The following PDE11A variants were observed in gnomAD, a reference collection of about 807,000 sequenced individuals.
PDE11A encodes the protein dual 3',5'-cyclic-AMP and -GMP phosphodiesterase 11A.
A neutral mutation model predicts 100.5 loss-of-function variants in PDE11A; 100 were observed. The ratio of observed to expected loss-of-function variants is 1.00; its 90% CI spans 0.85 to 1.18. The LOEUF (loss-of-function observed/expected upper bound fraction) is 1.18. PDE11A is among the 50% of genes most tolerant of loss of function. PDE11A has a pLI of 0.00. For missense variants in PDE11A, 1,141 were observed against 1,152.6 expected (o/e 0.99, Z 0.15); for synonymous variants, 381 against 420.8 (o/e 0.91, Z 1.16).
chr2:177,751,135 A>AG (rs975434004), intron 10 of PDE11A, among the ~76,000 whole-genome samples: 1 of 151,592 alleles, frequency 6.6e-6, no homozygotes, highest in African/African-American at 2.4e-5. Context: ...TAAGAAAAAA[A>AG]AAAAAAAGCT....
chr2:177,951,976 G>T (rs1266116279), intron 2 of PDE11A, among the ~76,000 whole-genome samples: 2 of 152,146 alleles, frequency 1.3e-5, no homozygotes, highest in African/African-American at 2.4e-5. Context: ...TTACATAGGT[G>T]TACATGTGCC....
chr2:177,869,588 T>A (rs554338663), intron 5 of PDE11A, among the ~76,000 whole-genome samples: 26 of 152,344 alleles, frequency 1.7e-4, no homozygotes, highest in African/African-American at 6.3e-4. Flanking sequence ...CAATCCAGAA[T>A]AATCTCCCTA....
intron 12 of PDE11A, among the ~76,000 whole-genome samples, chr2:177,714,955 C>T (rs1053335320): frequency 4.6e-5 from 7 of 152,302 alleles, no homozygotes; most frequent in East Asian, 1.9e-4. Context: ...CTTCCTCCAC[C>T]GTCATTCAGG....
chr2:177,772,352 T>C (rs1172569431), intron 9 of PDE11A, among the ~76,000 whole-genome samples: 1 of 152,198 alleles, frequency 6.6e-6, no homozygotes, highest in Non-Finnish European at 1.5e-5. Context: ...TGTAAAATAA[T>C]GTGGCACACA....
intron 9 of PDE11A, among the ~76,000 whole-genome samples, chr2:177,772,032 A>AAATAAAT (rs1558930688): frequency 7.1e-6 from 1 of 141,198 alleles, no homozygotes; most frequent in African/African-American, 2.9e-5. Flanking sequence ...AATAAATAAA[A>AAATAAAT]ATAATGCTAC....
chr2:177,990,627 A>G (rs2085990683), intron 2 of PDE11A, among the ~76,000 whole-genome samples: 1 of 151,858 alleles, frequency 6.6e-6, no homozygotes, highest in African/African-American at 2.4e-5. Flanking sequence ...AATCCCAGCT[A>G]CTCAGGAGGC....
At chr2:177,725,699 T>C (rs112351242) in intron 12 of PDE11A, among the ~76,000 whole-genome samples, 6 of 152,264 alleles carry the variant, frequency 3.9e-5, no homozygotes, top group African/African-American at 1.2e-4. Flanking sequence ...CTCTTCAATT[T>C]CTTGGAAAGG....
intron 18 of PDE11A, among the ~76,000 whole-genome samples, chr2:177,665,309 C>CAAAAAAA (rs9288007): frequency 2.7e-5 from 3 of 112,452 alleles, no homozygotes; most frequent in African/African-American, 1.0e-4. Flanking sequence ...CCTGTCCCTA[C>CAAAAAAA]AAAAAAAAAA....
chr2:177,764,709 T>G (rs1291008442), intron 10 of PDE11A, among the ~76,000 whole-genome samples: 2 of 152,210 alleles, frequency 1.3e-5, no homozygotes, highest in Non-Finnish European at 2.9e-5. Context: ...TATGCACAAA[T>G]TTTCTGTATA....
chr2:177,915,193 CATT>C (rs1301684175), intron 2 of PDE11A, among the ~76,000 whole-genome samples: 1 of 152,182 alleles, frequency 6.6e-6, no homozygotes, highest in Non-Finnish European at 1.5e-5. Context: ...AATACCGACA[CATT>C]ATTAACTAAA....
intron 16 of PDE11A, among the ~76,000 whole-genome samples, chr2:177,678,182 C>T (rs1178030453): frequency 3.9e-5 from 6 of 152,228 alleles, no homozygotes; most frequent in South Asian, 4.2e-4. Context: ...TTACCATCAC[C>T]GTGCTATCAT....
At chr2:177,967,532 G>A (rs1248007922) in intron 2 of PDE11A, among the ~76,000 whole-genome samples, 1 of 151,728 alleles carries the variant, frequency 6.6e-6, no homozygotes, top group Non-Finnish European at 1.5e-5. Flanking sequence ...TTATAATAAA[G>A]GTTTTTTGAT....
chr2:177,865,675 AG>A lies in PDE11A; in HGVS notation c.1367+10183del, dbSNP rs201582685. On this transcript the variant is annotated intron_variant, in intron 5 of 19. Transcript: ENST00000286063. The stretch of plus-strand genomic sequence containing the variant: ...ATGGAATATTATTCATCCATAAAAA[AG>A]AATGAAGGAATAAAGTGCATGTACA... Among the ~76,000 whole-genome samples the A allele has an allele frequency of 7.2e-3, 1,098 of 152,380 alleles. 13 individuals carry two copies. Among genetic ancestry groups the A allele is most frequent in the African/African-American group, 0.025 (1,023 of 41,580 alleles).
intron 4 of PDE11A, among the ~76,000 whole-genome samples, chr2:177,895,158 T>C (rs987682998): frequency 1.3e-5 from 2 of 151,652 alleles, no homozygotes; most frequent in African/African-American, 2.4e-5. Context: ...TTTCAAGAGA[T>C]GCTTTTTTGG....
upstream of PDE11A, among the ~76,000 whole-genome samples, chr2:178,077,291 A>C (rs1170935666): frequency 8.0e-6 from 1 of 124,678 alleles, no homozygotes; most frequent in African/African-American, 3.3e-5. Context: ...TTTGAGACAG[A>C]GTCTCACTCT....
intron 5 of PDE11A, among the ~76,000 whole-genome samples, chr2:177,858,263 A>C (rs1199958847): frequency 3.3e-5 from 5 of 152,070 alleles, no homozygotes; most frequent in Admixed American, 2.0e-4. Context: ...TAATTAAACT[A>C]AAGAGCTTCT....
Position 177,660,724 on chromosome 2 carries a change from G to A in PDE11A, c.2646+3142C>T, listed in dbSNP as rs1338009143. On this transcript the variant is annotated intron_variant, in intron 19 of 19. Coordinates refer to ENST00000286063, the MANE Select transcript of PDE11A (RefSeq NM_016953.4). ...AGTAGCCCTTCAGGCACTGAGAGTA[G>A]TGATAATCTTCCCCTTTGCTTGGAG... 5.3e-5 allele frequency among the ~76,000 whole-genome samples: 8 copies of A among 152,250 alleles called. 1 individual carries two copies. In the South Asian group the frequency reaches 8.3e-4, roughly 16 times the overall value.
At chr2:177,929,103 C>T (rs572347641) in intron 2 of PDE11A, among the ~76,000 whole-genome samples, 1 of 152,238 alleles carries the variant, frequency 6.6e-6, no homozygotes, top group Non-Finnish European at 1.5e-5. Flanking sequence ...ACAAGCCTAG[C>T]CAACTTTTCT....
chr2:177,841,400 C>G (rs1038368028), intron 5 of PDE11A, among the ~76,000 whole-genome samples: 2 of 152,086 alleles, frequency 1.3e-5, no homozygotes, highest in East Asian at 3.8e-4. Context: ...TATGTGGAAC[C>G]CTGGATTTCA....
Sources: gnomAD v4.1 joint callset for allele counts (sites outside exome capture counted in the v4.1 genomes callset) on GRCh38, gnomAD v4.1.1 for gene constraint, MANE v1.5 for transcripts, NCBI Gene and HGNC (gene_info 2026-07-23, HGNC 2026-07-21) for gene names.